The following SGCZ variants were observed in gnomAD, a reference collection of about 807,000 sequenced individuals.
The protein encoded by SGCZ is zeta-sarcoglycan.
In SGCZ, 40 loss-of-function variants were observed where a neutral mutation model predicts 41.3. The observed-to-expected ratio is 0.97, with a 90% CI of 0.75 to 1.26. SGCZ has a LOEUF of 1.26. Among genes scored for constraint, SGCZ ranks in the 50% most tolerant of loss-of-function variants. SGCZ has a pLI of 0.00. For synonymous variants in SGCZ, 206 were observed against 137.5 expected, an observed-to-expected ratio of 1.50 and a Z score of -3.49; for missense variants, 552 against 369.8, an observed-to-expected ratio of 1.49 and a Z score of -4.04.
intron 2 of SGCZ, among the ~76,000 whole-genome samples, chr8:14,354,611 C>T (rs1305157785): frequency 6.6e-6 from 1 of 151,538 alleles, no homozygotes; most frequent in African/African-American, 2.4e-5. Context: ...GAGTTTACAA[C>T]ATAAACCATC....
chr8:14,721,642 T>C (rs1809890137), intron 1 of SGCZ, among the ~76,000 whole-genome samples: 2 of 152,350 alleles, frequency 1.3e-5, no homozygotes, highest in Middle Eastern at 3.4e-3. Context: ...ATTATTATGA[T>C]GGTTTTATAA....
intron 1 of SGCZ, among the ~76,000 whole-genome samples, chr8:15,067,712 C>T (rs959829232): frequency 2.0e-5 from 3 of 152,134 alleles, no homozygotes; most frequent in African/African-American, 4.8e-5. Flanking sequence ...AAAACTCATT[C>T]ATTTTTTCTT....
chr8:14,212,429 C>G lies in SGCZ; in HGVS notation c.424+25163G>C, dbSNP rs73528748. Among the ~76,000 whole-genome samples the G allele has an allele frequency of 7.2e-3, 1,083 of 150,370 alleles. 11 individuals are homozygous for G. Among genetic ancestry groups the G allele is most frequent in the African/African-American group, 0.025 (1,037 of 40,722 alleles). On this transcript the variant is annotated intron_variant, in intron 4 of 7. Transcript: ENST00000382080. ...GGAGCTTTAATAGATGATCCCCCTGCCTCTTCAAAGAGAACAACCAACAAA... is the reference window on the plus strand; with the variant it reads ...GGAGCTTTAATAGATGATCCCCCTGGCTCTTCAAAGAGAACAACCAACAAA...
At chr8:15,104,551 T>C (rs1806744190) in intron 1 of SGCZ, among the ~76,000 whole-genome samples, 1 of 152,244 alleles carries the variant, frequency 6.6e-6, no homozygotes, top group African/African-American at 2.4e-5. Context: ...CTTCCAGTCA[T>C]CAGAAATAGC....
At chr8:15,237,521 A>G (rs1379224794) in intron 1 of SGCZ, 64 bp downstream of exon 1, 2 of 1,542,998 alleles carry the variant, frequency 1.3e-6, no homozygotes, top group Admixed American at 1.9e-5. Flanking sequence ...GAGCCGCGGG[A>G]AGGAGAGGGG....
At chr8:14,248,690 A>G (rs1799187021) in intron 3 of SGCZ, among the ~76,000 whole-genome samples, 2 of 152,058 alleles carry the variant, frequency 1.3e-5, no homozygotes, top group Admixed American at 1.3e-4. Context: ...ATTGCCTTTG[A>G]GATTATTTTC....
chr8:14,865,026 C>T (rs995411999), intron 1 of SGCZ, among the ~76,000 whole-genome samples: 1 of 152,002 alleles, frequency 6.6e-6, no homozygotes, highest in Non-Finnish European at 1.5e-5. Flanking sequence ...ATTGAGTTCC[C>T]TGCATATTCT....
At chr8:14,736,528 T>C (rs1398280690) in intron 1 of SGCZ, among the ~76,000 whole-genome samples, 2 of 152,090 alleles carry the variant, frequency 1.3e-5, no homozygotes, top group African/African-American at 4.8e-5. Context: ...TTTGGTTACA[T>C]GAGTAAGTTC....
At chr8:14,817,856 C>A (rs1481491384) in intron 1 of SGCZ, among the ~76,000 whole-genome samples, 1 of 152,176 alleles carries the variant, frequency 6.6e-6, no homozygotes, top group Non-Finnish European at 1.5e-5. Flanking sequence ...ATGCCCCAAC[C>A]CCAGATCATT....
rs372199014 is a variant in SGCZ at position 14,824,152 on chromosome 8, G to A, written c.40-269226C>T. On this transcript the variant is annotated intron_variant, in intron 1 of 7. Coordinates refer to ENST00000382080, the MANE Select transcript of SGCZ (RefSeq NM_139167.4). ...TTCGAGAGAAACAGACTTACAAATG[G>A]GTTGAAGGAATAAATTCTGGCATTC... 3.3e-5 allele frequency among the ~76,000 whole-genome samples: 5 copies of A among 152,150 alleles called. No individual in the cohort carries two copies. In the East Asian group the frequency reaches 9.7e-4, roughly 30 times the overall value.
At chr8:14,681,172 A>G (rs752332312) in intron 1 of SGCZ, among the ~76,000 whole-genome samples, 1 of 152,148 alleles carries the variant, frequency 6.6e-6, no homozygotes, top group Non-Finnish European at 1.5e-5. Context: ...AGCACAGCAC[A>G]CTAAAATATA....
At chr8:14,301,028 A>T (rs1390615148) in intron 3 of SGCZ, among the ~76,000 whole-genome samples, 2 of 151,482 alleles carry the variant, frequency 1.3e-5, no homozygotes, top group East Asian at 3.9e-4. Flanking sequence ...ACCCCCACTT[A>T]TGATGTGAGA....
chr8:14,841,416 T>C (rs763742134), intron 1 of SGCZ, among the ~76,000 whole-genome samples: 7 of 152,146 alleles, frequency 4.6e-5, no homozygotes, highest in Non-Finnish European at 1.0e-4. Context: ...GGAGGATTCA[T>C]AGTCATGGTA....
intron 1 of SGCZ, among the ~76,000 whole-genome samples, chr8:14,757,065 T>C (rs764636848): frequency 1.3e-5 from 2 of 152,226 alleles, no homozygotes; most frequent in Non-Finnish European, 1.5e-5. Flanking sequence ...TTCTTTTTTT[T>C]TGAGACAAAC....
At position 14,086,187 on chromosome 8, in the gene SGCZ, A is replaced by T. The variant is rs1469142842; in HGVS notation, c.*4256T>A. Among the ~76,000 whole-genome samples, 1 of 151,696 alleles carries T rather than the reference A, an allele frequency of 6.6e-6. No homozygotes were observed. The highest frequency in any genetic ancestry group is 1.5e-5 in the Non-Finnish European group (1 of 67,750). ...TTGAAGAATTAGGTGACAAGACCTC[A>T]CTCATATAAAACTCAAATATGAATT... On this transcript the variant is annotated 3_prime_UTR_variant, in exon 8 of 8. Coordinates refer to ENST00000382080, the MANE Select transcript of SGCZ (RefSeq NM_139167.4).
chr8:14,705,524 G>C (rs930001902), intron 1 of SGCZ, among the ~76,000 whole-genome samples: 3 of 151,872 alleles, frequency 2.0e-5, no homozygotes, highest in Admixed American at 1.3e-4. Flanking sequence ...CCTTGTCTCC[G>C]ATGACTCTCA....
At chr8:14,578,086 A>G (rs2117249041) in intron 1 of SGCZ, among the ~76,000 whole-genome samples, 1 of 152,336 alleles carries the variant, frequency 6.6e-6, no homozygotes, top group East Asian at 1.9e-4. Flanking sequence ...CACCTTGAAC[A>G]TTGAGGCCTA....
chr8:14,974,198 T>C (rs1009046859), intron 1 of SGCZ, among the ~76,000 whole-genome samples: 2 of 152,254 alleles, frequency 1.3e-5, no homozygotes, highest in African/African-American at 4.8e-5. Context: ...ATTAGTAGTA[T>C]AAATTACACA....
chr8:15,173,410 C>T (rs570255157), intron 1 of SGCZ, among the ~76,000 whole-genome samples: 5 of 152,254 alleles, frequency 3.3e-5, no homozygotes, highest in African/African-American at 1.2e-4. Flanking sequence ...CCATTTATGA[C>T]TAAATGAGAC....
Sources: gnomAD v4.1 joint callset for allele counts (sites outside exome capture counted in the v4.1 genomes callset) on GRCh38, gnomAD v4.1.1 for gene constraint, MANE v1.5 for transcripts, NCBI Gene and HGNC (gene_info 2026-07-23, HGNC 2026-07-21) for gene names.